NCKAP5: variants seen among roughly 807,000 people sequenced by gnomAD.
NCKAP5 encodes nck-associated protein 5.
NCKAP5 carries 92 observed loss-of-function variants against 167.0 expected under a neutral mutation model. The observed-to-expected ratio is 0.55, with a 90% CI of 0.47 to 0.66. The LOEUF (loss-of-function observed/expected upper bound fraction) is 0.66. Ranked by LOEUF, NCKAP5 falls within the 30% of genes least tolerant of loss-of-function variation. The pLI, the probability that NCKAP5 is intolerant of heterozygous loss-of-function variation, is 0.00. For missense variants in NCKAP5, 2,378 were observed against 2,315.0 expected, an observed-to-expected ratio of 1.03 and a Z score of -0.56; for synonymous variants, 891 against 877.4, an observed-to-expected ratio of 1.02 and a Z score of -0.27.
At chr2:133,205,829 T>A (rs2085925321) in intron 5 of NCKAP5, among the ~76,000 whole-genome samples, 1 of 152,144 alleles carries the variant, frequency 6.6e-6, no homozygotes, top group African/African-American at 2.4e-5. Context: ...TTCTTAGATT[T>A]ATTCCTATAT....
the NCKAP5 span, among the ~76,000 whole-genome samples, chr2:133,603,484 C>A: frequency 6.6e-6 from 1 of 152,282 alleles, no homozygotes; most frequent in African/African-American, 2.4e-5. Flanking sequence ...CTCAGTCTCG[C>A]AAAGTGCTGG....
chr2:132,957,760 T>A (rs1005941), intron 8 of NCKAP5, among the ~76,000 whole-genome samples: 9,590 of 152,256 alleles, frequency 0.063, 790 homozygotes, highest in Admixed American at 0.24. Context: ...CTGACCTGTC[T>A]TGTTTGCTAT....
intron 3 of NCKAP5, among the ~76,000 whole-genome samples, chr2:133,446,775 T>C (rs1559491257): frequency 6.6e-6 from 1 of 151,746 alleles, no homozygotes; most frequent in African/African-American, 2.4e-5. Context: ...AGCTGAATAA[T>C]GGAGGAGATG....
chr2:132,931,243 A>C (rs567206268), intron 8 of NCKAP5: 1 of 152,334 alleles, frequency 6.6e-6, no homozygotes, highest in African/African-American at 2.4e-5. Context: ...TCTGTATCTG[A>C]GTGATTGTGG....
At chr2:133,224,416 G>T (rs538565248) in intron 4 of NCKAP5, among the ~76,000 whole-genome samples, 2 of 152,076 alleles carry the variant, frequency 1.3e-5, no homozygotes, top group African/African-American at 4.8e-5. Flanking sequence ...GAAACTAATC[G>T]CATGTTCCAG....
chr2:133,129,246 T>TC (rs897603132), intron 6 of NCKAP5, among the ~76,000 whole-genome samples: 12 of 150,242 alleles, frequency 8.0e-5, no homozygotes, highest in African/African-American at 2.7e-4. Flanking sequence ...CCCTCCCCGC[T>TC]CCCCCCACCC....
intron 12 of NCKAP5, among the ~76,000 whole-genome samples, chr2:132,794,263 T>TATATATAGAGAGAG (rs762281677): frequency 8.4e-5 from 1 of 11,914 alleles, no homozygotes; most frequent in Non-Finnish European, 1.7e-4. Context: ...TATATATATA[T>TATATATAGAGAGAG]AGAGAGAGAG....
chr2:133,250,745 C>T lies in NCKAP5; in HGVS notation c.144-36966G>A, dbSNP rs1234831552. 3.3e-5 allele frequency among the ~76,000 whole-genome samples: 5 copies of T among 152,162 alleles called. No homozygotes were observed. In the East Asian group the frequency reaches 9.7e-4, roughly 29 times the overall value. ...TTGAGGCCAGGAGCTTGAGACCAGC[C>T]TGGACAACACAGGGAGCCTACATCT... On this transcript the variant is annotated intron_variant, in intron 4 of 19. Transcript: ENST00000409261.
chr2:132,762,508 C>A (rs1175280424), intron 16 of NCKAP5, among the ~76,000 whole-genome samples: 2 of 152,140 alleles, frequency 1.3e-5, no homozygotes, highest in African/African-American at 4.8e-5. Context: ...TACTTTAGAG[C>A]AATAGGCCTT....
chr2:132,981,842 A>G (rs2077150041), intron 7 of NCKAP5, among the ~76,000 whole-genome samples: 1 of 152,192 alleles, frequency 6.6e-6, no homozygotes, highest in Non-Finnish European at 1.5e-5. Flanking sequence ...ATGATGCTTT[A>G]TGGAGGAGAT....
chr2:133,562,959 C>T (rs759855783), intron 1 of NCKAP5, among the ~76,000 whole-genome samples: 1 of 152,122 alleles, frequency 6.6e-6, no homozygotes, highest in Non-Finnish European at 1.5e-5. Context: ...ATTCCAAAGG[C>T]ATTAAACCCT....
intron 5 of NCKAP5, among the ~76,000 whole-genome samples, chr2:133,211,887 G>A (rs750791255): frequency 6.6e-6 from 1 of 152,150 alleles, no homozygotes; most frequent in African/African-American, 2.4e-5. Context: ...GTTTTAAAAA[G>A]GGGTTTTGTC....
intron 7 of NCKAP5, among the ~76,000 whole-genome samples, chr2:132,975,390 AC>A (rs1459910645): frequency 6.6e-6 from 1 of 151,948 alleles, no homozygotes; most frequent in Non-Finnish European, 1.5e-5. Flanking sequence ...TTCACTCAAA[AC>A]CCTCCTCAAC....
At chr2:132,851,018 T>C (rs895350690) in intron 11 of NCKAP5, among the ~76,000 whole-genome samples, 7 of 151,958 alleles carry the variant, frequency 4.6e-5, no homozygotes, top group African/African-American at 1.7e-4. Context: ...CAGAAAAGCA[T>C]TTTTTTTCAA....
At chr2:133,089,670 CAG>C (rs1387385905) in intron 6 of NCKAP5, among the ~76,000 whole-genome samples, 1 of 152,132 alleles carries the variant, frequency 6.6e-6, no homozygotes, top group African/African-American at 2.4e-5. Flanking sequence ...ATACAAAAAA[CAG>C]AGTTAGGTTC....
At chr2:133,148,275 C>G (rs1030770344) in intron 5 of NCKAP5, among the ~76,000 whole-genome samples, 15 of 152,026 alleles carry the variant, frequency 9.9e-5, no homozygotes, top group African/African-American at 3.6e-4. Flanking sequence ...GATAACTGAT[C>G]TGAAAGCCAG....
At chr2:132,725,837 C>G in intron 18 of NCKAP5, 78 bp from the exon 19 acceptor site, 1 of 1,417,330 alleles carries the variant, frequency 7.1e-7, no homozygotes, top group Non-Finnish European at 9.7e-7. Flanking sequence ...GGATGCGACA[C>G]AGTTCACATC....
At chr2:132,958,005 G>A (rs888867736) in intron 8 of NCKAP5, among the ~76,000 whole-genome samples, 33 of 152,090 alleles carry the variant, frequency 2.2e-4, no homozygotes, top group African/African-American at 7.0e-4. Flanking sequence ...TTGAGTCCCC[G>A]TTCTGAAGGC....
intron 8 of NCKAP5, among the ~76,000 whole-genome samples, chr2:132,901,706 T>C (rs530195659): frequency 3.8e-4 from 58 of 152,372 alleles, no homozygotes; most frequent in Non-Finnish European, 7.3e-4. Context: ...TTGTTAACTT[T>C]TAAAGATGAA....
Sources: allele counts gnomAD v4.1 joint callset (sites outside exome capture counted in the v4.1 genomes callset), GRCh38; gene constraint gnomAD v4.1.1; transcripts MANE v1.5; gene names NCBI Gene and HGNC (gene_info 2026-07-23, HGNC 2026-07-21).